LRRC7: variants seen among roughly 807,000 people sequenced by gnomAD.
LRRC7 encodes leucine-rich repeat-containing protein 7.
Under a neutral mutation model 175.7 loss-of-function variants are expected in LRRC7, and 23 were observed. That is an observed-to-expected ratio of 0.13 (90% CI 0.09 to 0.19). The LOEUF is 0.19. LRRC7 is among the 10% of genes least tolerant of loss of function. The pLI is 1.00. For synonymous variants in LRRC7, 685 were observed against 680.9 expected, an observed-to-expected ratio of 1.01 and a Z score of -0.09; for missense variants, 1,354 against 1,904.7, an observed-to-expected ratio of 0.71 and a Z score of 5.38.
intron 2 of LRRC7, among the ~76,000 whole-genome samples, chr1:69,707,131 A>G (rs920073145): frequency 1.3e-5 from 2 of 152,144 alleles, no homozygotes; most frequent in Non-Finnish European, 2.9e-5. Flanking sequence ...AATAAAAAAA[A>G]GTTTCTGTAG....
intron 2 of LRRC7, among the ~76,000 whole-genome samples, chr1:69,680,344 G>A (rs1185825410): frequency 1.3e-5 from 2 of 152,080 alleles, no homozygotes; most frequent in Non-Finnish European, 2.9e-5. Flanking sequence ...ATAATCATTG[G>A]TATAGTTCAT....
intron 7 of LRRC7, among the ~76,000 whole-genome samples, chr1:69,907,460 T>G (rs971455870): frequency 6.6e-6 from 1 of 152,160 alleles, no homozygotes; most frequent in Non-Finnish European, 1.5e-5. Flanking sequence ...ATTGAGAGTT[T>G]TTAGCATGAA....
chr1:69,784,884 CA>C (rs1313442662), intron 3 of LRRC7, among the ~76,000 whole-genome samples: 4 of 151,996 alleles, frequency 2.6e-5, no homozygotes, highest in Non-Finnish European at 5.9e-5. Context: ...TTTTTAGTTA[CA>C]AATTTTTAAC....
chr1:70,038,816 G>C lies in LRRC7; in HGVS notation c.2992G>C (p.Val998Leu). ...TGAGATTGACATTGGTACATATAAG[G>C]TGTATAACATACCATTAGAAAACTA... ...IDEIDIGTYK[V>L]YNIPLENYAS... Residue 998 changes from valine (V) to leucine (L), a missense_variant, in exon 21 of 27, where the codon GTG becomes CTG. Physicochemically the swap from Val to Leu is conservative, Grantham distance 32. Transcript: ENST00000651989. 6.2e-7 allele frequency: 1 copy of C among 1,614,032 alleles called. No individual in the cohort carries two copies. The highest frequency in any genetic ancestry group is 8.5e-7 in the Non-Finnish European group (1 of 1,179,990).
chr1:69,970,881 C>T lies in LRRC7; in HGVS notation c.712-9498C>T, dbSNP rs530071225. Among the ~76,000 whole-genome samples, 23 of 152,068 alleles carry T rather than the reference C, an allele frequency of 1.5e-4. 1 individual carries two copies. Among genetic ancestry groups the T allele is most frequent in the Non-Finnish European group, 7.4e-5 (5 of 67,988 alleles). ...TGAACATAGATGCTAAAATCCTTAA[C>T]GTAATACTAGCTAATTGAATCCAAC... On this transcript the variant is annotated intron_variant, in intron 8 of 26. Coordinates refer to ENST00000651989, the MANE Select transcript of LRRC7 (RefSeq NM_001370785.2).
intron 5 of LRRC7, among the ~76,000 whole-genome samples, chr1:69,828,113 C>T (rs77207864): frequency 0.062 from 9,458 of 152,098 alleles, 339 homozygotes; most frequent in East Asian, 0.15. Context: ...GTACTTCATT[C>T]CCCTTTATTC....
intron 5 of LRRC7, among the ~76,000 whole-genome samples, chr1:69,826,724 G>T (rs139052888): frequency 2.0e-5 from 3 of 152,248 alleles, no homozygotes; most frequent in African/African-American, 7.2e-5. Flanking sequence ...TTTGTCTGAT[G>T]AAGTGTAGGA....
At chr1:70,103,190 C>T (rs1239204465) in intron 25 of LRRC7, among the ~76,000 whole-genome samples, 1 of 150,984 alleles carries the variant, frequency 6.6e-6, no homozygotes. Flanking sequence ...GATCATGCCA[C>T]TATACTCCAG....
At chr1:70,024,506 G>C (rs975621626) in intron 17 of LRRC7, among the ~76,000 whole-genome samples, 1 of 151,728 alleles carries the variant, frequency 6.6e-6, no homozygotes, top group Non-Finnish European at 1.5e-5. Flanking sequence ...CAAAATTAAA[G>C]TAATATTTTA....
intron 4 of LRRC7, among the ~76,000 whole-genome samples, chr1:69,823,388 T>A (rs1679526769): frequency 6.6e-6 from 1 of 152,192 alleles, no homozygotes; most frequent in Non-Finnish European, 1.5e-5. Flanking sequence ...TCTTCTATAG[T>A]TTTTCTTTCA....
intron 2 of LRRC7, among the ~76,000 whole-genome samples, chr1:69,719,345 T>G (rs1435194950): frequency 6.6e-6 from 1 of 151,864 alleles, no homozygotes; most frequent in East Asian, 1.9e-4. Context: ...AATGAATCAG[T>G]TCTTTCCTCT....
chr1:69,892,142 T>A (rs532983659), intron 7 of LRRC7, among the ~76,000 whole-genome samples: 2 of 152,264 alleles, frequency 1.3e-5, no homozygotes, highest in Admixed American at 6.5e-5. Context: ...CTCCAAAGTA[T>A]CGTAAAAGGG....
chr1:70,040,727 T>C (rs1351391185), intron 21 of LRRC7, among the ~76,000 whole-genome samples: 1 of 152,000 alleles, frequency 6.6e-6, no homozygotes, highest in East Asian at 1.9e-4. Flanking sequence ...GGCAGGAGAA[T>C]TGCTTGAACC....
chr1:69,791,044 A>G (rs1675053595), intron 3 of LRRC7, among the ~76,000 whole-genome samples: 1 of 152,040 alleles, frequency 6.6e-6, no homozygotes, highest in African/African-American at 2.4e-5. Flanking sequence ...AATGTACTGT[A>G]GGCCAGTTTC....
Position 70,128,736 on chromosome 1 carries a change from C to G in LRRC7, c.*6849C>G, listed in dbSNP as rs562834919. On this transcript the variant is annotated 3_prime_UTR_variant, in exon 27 of 27. Transcript: ENST00000651989. ...TAATGTGGTCCCCTCAGCACAGAAT[C>G]TCACAGTCCAGAGGAAAGATGAGAG... 6.6e-6 allele frequency: 1 copy of G among 152,314 alleles called. No homozygotes were observed. The highest frequency in any genetic ancestry group is 1.5e-5 in the Non-Finnish European group (1 of 68,040). 9.4% of individuals were successfully genotyped at this position (152,314 alleles called of 1,614,324 possible). A position where few individuals can be genotyped will look rare whatever the true frequency, so the allele number is the denominator to read the frequency against.
intron 1 of LRRC7, among the ~76,000 whole-genome samples, chr1:69,573,208 C>T (rs1449460364): frequency 6.6e-6 from 1 of 152,126 alleles, no homozygotes; most frequent in African/African-American, 2.4e-5. Context: ...AAATCCATGC[C>T]ACGTGGAAAG....
chr1:69,654,091 A>G (rs535893522), intron 1 of LRRC7, among the ~76,000 whole-genome samples: 46 of 152,032 alleles, frequency 3.0e-4, no homozygotes, highest in Non-Finnish European at 5.9e-4. Flanking sequence ...AAAATTTGTT[A>G]AGAATTTAGA....
intron 8 of LRRC7, among the ~76,000 whole-genome samples, chr1:69,958,567 GT>G (rs1650728626): frequency 6.6e-6 from 1 of 152,086 alleles, no homozygotes; most frequent in African/African-American, 2.4e-5. Context: ...AGGTGACCTA[GT>G]AGAGACAGAG....
chr1:70,036,007 G>A, intron 18 of LRRC7, 114 bp from the exon 19 acceptor site: 2 of 727,904 alleles, frequency 2.7e-6, no homozygotes, highest in South Asian at 4.0e-5. Context: ...GCCTCACAGT[G>A]AACTGAATTC....
Sources: allele counts gnomAD v4.1 joint callset (sites outside exome capture counted in the v4.1 genomes callset), GRCh38; gene constraint gnomAD v4.1.1; transcripts MANE v1.5; gene names NCBI Gene and HGNC (gene_info 2026-07-23, HGNC 2026-07-21).